Variants in KIF18A observed in about 807,000 individuals in gnomAD.
The protein encoded by KIF18A is kinesin family member 18A.
In KIF18A, 67 loss-of-function variants were observed where a neutral mutation model predicts 103.3. That is an observed-to-expected ratio of 0.65 (90% CI 0.53 to 0.79). The LOEUF (loss-of-function observed/expected upper bound fraction) is 0.79, where lower values mean the gene tolerates loss of function less well. Ranked by LOEUF, KIF18A falls within the 30% of genes least tolerant of loss-of-function variation. The pLI is 0.00. For synonymous variants in KIF18A, 367 were observed against 355.5 expected, an observed-to-expected ratio of 1.03 and a Z score of -0.36; for missense variants, 1,032 against 1,062.5, an observed-to-expected ratio of 0.97 and a Z score of 0.40.
intron 8 of KIF18A, 57 bp from the exon 9 acceptor site, chr11:28,083,025 C>T (rs1171431210): frequency 5.6e-6 from 8 of 1,438,798 alleles, no homozygotes; most frequent in South Asian, 2.6e-5. Flanking sequence ...ATGGCCACAG[C>T]CAAATTTAGC....
Position 28,023,858 on chromosome 11 carries a change from G to A in KIF18A, c.2505-8C>T. The A allele has an allele frequency of 6.4e-7, 1 of 1,558,622 alleles. No homozygotes were observed. Among genetic ancestry groups the A allele is most frequent in the Non-Finnish European group, 8.8e-7 (1 of 1,138,236 alleles). On this transcript the variant is annotated splice_region_variant and splice_polypyrimidine_tract_variant and intron_variant, in intron 15 of 16. Transcript: ENST00000263181. ...GAACTGTTTGATGTAGAACTTGAGAGGAAAAGTTTTTAATTTAGTTAAGCA... is the reference window on the plus strand; with the variant it reads ...GAACTGTTTGATGTAGAACTTGAGAAGAAAAGTTTTTAATTTAGTTAAGCA...
At position 28,096,251 on chromosome 11, in the gene KIF18A, T is replaced by A. The variant is rs776149004; in HGVS notation, c.325+1372A>T. ...TGAATTACATATGGTAAACACCCAA[T>A]ACAATAATCAGTTAAGGCAATAACT... On this transcript the variant is annotated intron_variant, in intron 2 of 16. Coordinates refer to ENST00000263181, the MANE Select transcript of KIF18A (RefSeq NM_031217.4). 5.9e-4 allele frequency among the ~76,000 whole-genome samples: 82 copies of A among 138,978 alleles called. 1 individual carries two copies. Among genetic ancestry groups the A allele is most frequent in the Non-Finnish European group, 1.2e-3 (78 of 64,402 alleles). 91.2% of individuals were successfully genotyped at this position (138,978 alleles called of 152,430 possible). A position where few individuals can be genotyped will look rare whatever the true frequency, so the allele number is the denominator to read the frequency against.
chr11:28,091,298 C>A, intron 4 of KIF18A, 111 bp downstream of exon 4: 1 of 601,704 alleles, frequency 1.7e-6, no homozygotes, highest in Admixed American at 2.8e-5. Context: ...AATTCTGTAC[C>A]TCATTAGTTT....
intron 6 of KIF18A, among the ~76,000 whole-genome samples, chr11:28,087,866 G>A (rs1851248965): frequency 6.6e-6 from 1 of 152,120 alleles, no homozygotes; most frequent in African/African-American, 2.4e-5. Flanking sequence ...AGTTTAACAA[G>A]CTAAAGCTTT....
At chr11:28,066,565 T>TA (rs1056549377) in intron 11 of KIF18A, among the ~76,000 whole-genome samples, 25 of 151,360 alleles carry the variant, frequency 1.7e-4, no homozygotes, top group East Asian at 1.9e-4. Context: ...ACACAACGTT[T>TA]AAAAAAAACG....
In KIF18A at chr11:28,045,809, G is replaced by A. The variant is rs182765120; in HGVS notation, c.1949-9145C>T. Among the ~76,000 whole-genome samples the A allele has an allele frequency of 3.5e-3, 526 of 151,776 alleles. 1 individual carries two copies. The highest frequency in any genetic ancestry group is 6.1e-3 in the Non-Finnish European group (412 of 67,934). ...TTGCAACCTACTCATCTGACAAAGGGCTAATATCCAGAATCTACAATGAAC... is the reference window on the plus strand; with the variant it reads ...TTGCAACCTACTCATCTGACAAAGGACTAATATCCAGAATCTACAATGAAC... On this transcript the variant is annotated intron_variant, in intron 13 of 16. Transcript: ENST00000263181.
chr11:28,044,757 T>C (rs1289766826), intron 13 of KIF18A, among the ~76,000 whole-genome samples: 1 of 150,376 alleles, frequency 6.6e-6, no homozygotes, highest in Non-Finnish European at 1.5e-5. Context: ...ACTGAAATCA[T>C]GGATTAGATG....
intron 10 of KIF18A, among the ~76,000 whole-genome samples, chr11:28,074,584 C>A (rs910128401): frequency 1.3e-5 from 2 of 152,100 alleles, no homozygotes; most frequent in African/African-American, 4.8e-5. Flanking sequence ...AAACTGGTAT[C>A]AATGATACAT....
rs987079220 is a variant in KIF18A, at chr11:28,020,709, G to C, written c.*491C>G. The C allele has an allele frequency of 1.3e-5, 2 of 151,810 alleles. No homozygotes were observed. The highest frequency in any genetic ancestry group is 4.8e-5 in the African/African-American group (2 of 41,340). The allele number at this position is 151,810 out of a possible 1,614,324, so 9.4% of individuals were successfully genotyped here. A position where few individuals can be genotyped will look rare whatever the true frequency, so the allele number is the denominator to read the frequency against. ...AATAATATTTACAATGATTTTATGG[G>C]CACATATATTTACACTTGTACATTA... On this transcript the variant is annotated 3_prime_UTR_variant, in exon 17 of 17. Transcript: ENST00000263181.
chr11:28,055,820 G>A (rs941253127), intron 13 of KIF18A, among the ~76,000 whole-genome samples: 3 of 152,178 alleles, frequency 2.0e-5, no homozygotes, highest in South Asian at 4.1e-4. Flanking sequence ...ATGCATATGA[G>A]GAATTAAGAC....
intron 15 of KIF18A, among the ~76,000 whole-genome samples, chr11:28,025,574 T>C (rs561837328): frequency 2.0e-5 from 3 of 152,106 alleles, no homozygotes; most frequent in East Asian, 3.9e-4. Context: ...TTAGAACTCA[T>C]ATTTCTAGAA....
intron 1 of KIF18A, among the ~76,000 whole-genome samples, chr11:28,098,615 G>A (rs1851405537): frequency 6.6e-6 from 1 of 151,998 alleles, no homozygotes; most frequent in Non-Finnish European, 1.5e-5. Flanking sequence ...TGATAGAGAT[G>A]GCATAGACTC....
intron 15 of KIF18A, among the ~76,000 whole-genome samples, chr11:28,032,030 T>C (rs1035561651): frequency 1.3e-5 from 2 of 151,606 alleles, no homozygotes; most frequent in African/African-American, 4.8e-5. Context: ...TAGAAACAAA[T>C]TCAGTAGAGT....
In KIF18A at chr11:28,097,697, G is replaced by T; in HGVS notation, c.251C>A (p.Ser84Ter). ...FVFDAVFDET[S>*]TQSEVFEHTT... Reference sequence around the variant, plus strand: ...GTGTTCAAAAACTTCTGACTGAGTTGACGTTTCATCAAAAACAGCATCAAA... The same window carrying T: ...GTGTTCAAAAACTTCTGACTGAGTTTACGTTTCATCAAAAACAGCATCAAA... The change falls in exon 2 of 17, where the codon TCA becomes TAA. Residue 84 changes from serine to a stop codon, truncating the protein, a stop_gained. Coordinates refer to ENST00000263181, the MANE Select transcript of KIF18A (RefSeq NM_031217.4). LOFTEE classifies it high-confidence loss of function. The T allele has an allele frequency of 6.2e-7, 1 of 1,611,274 alleles. No homozygotes were observed. Among genetic ancestry groups the T allele is most frequent in the South Asian group, 1.1e-5 (1 of 90,926 alleles).
chr11:28,062,403 C>T lies in KIF18A; in HGVS notation c.1704G>A (p.Gln568=). The T allele has an allele frequency of 1.2e-6, 2 of 1,607,338 alleles. No homozygotes were observed. Among genetic ancestry groups the T allele is most frequent in the Non-Finnish European group, 1.7e-6 (2 of 1,176,578 alleles). Residue 568 remains glutamine, a synonymous_variant, in exon 12 of 17, where the codon CAG becomes CAA. Coordinates refer to ENST00000263181, the MANE Select transcript of KIF18A (RefSeq NM_031217.4). ...LACLQEQQHR[Q]TEAVLNALLP... ...TAAATGTATGTACTCACGCTTCAGT[C>T]TGCCTGTGTTGCTGTTCCTGAAGAC...
intron 1 of KIF18A, among the ~76,000 whole-genome samples, chr11:28,103,252 A>T (rs1334171059): frequency 1.3e-5 from 2 of 152,102 alleles, no homozygotes; most frequent in Non-Finnish European, 2.9e-5. Context: ...ACTCAAAGGA[A>T]ATGCTCATTA....
chr11:28,069,309 G>GA lies in KIF18A; in HGVS notation c.1539dup (p.Arg514SerfsTer40). ...AAGAGTCCCATTTCTTTTTCGACACGATGGAGCCAATTAGTATTCTCATCA... is the reference window on the plus strand; with the variant it reads ...AAGAGTCCCATTTCTTTTTCGACACGAATGGAGCCAATTAGTATTCTCATCA... On this transcript the variant is annotated frameshift_variant, in exon 11 of 17. Transcript: ENST00000263181. LOFTEE classifies it high-confidence loss of function. 6.2e-7 allele frequency: 1 copy of GA among 1,613,268 alleles called. No homozygotes were observed. Among genetic ancestry groups the GA allele is most frequent in the Non-Finnish European group, 8.5e-7 (1 of 1,179,508 alleles).
At chr11:28,050,722 T>C (rs973589833) in intron 13 of KIF18A, among the ~76,000 whole-genome samples, 23 of 151,814 alleles carry the variant, frequency 1.5e-4, no homozygotes, top group Non-Finnish European at 2.2e-4. Flanking sequence ...ATCAGTTCCA[T>C]AAATAAATTT....
chr11:28,084,938 T>C (rs117923362), intron 6 of KIF18A, 130 bp from the exon 7 acceptor site: 7,143 of 608,946 alleles, frequency 0.012, 119 homozygotes, highest in Non-Finnish European at 0.012. Flanking sequence ...TATAAACTGT[T>C]TCAGTATAAT....
Sources: gnomAD v4.1 joint callset for allele counts (sites outside exome capture counted in the v4.1 genomes callset) on GRCh38, gnomAD v4.1.1 for gene constraint, MANE v1.5 for transcripts, NCBI Gene and HGNC (gene_info 2026-07-23, HGNC 2026-07-21) for gene names.